The following TM4SF5 variants were observed in gnomAD, a reference collection of about 807,000 sequenced individuals.
TM4SF5 encodes transmembrane 4 L6 family member 5.
In TM4SF5, 16 loss-of-function variants were observed where a neutral mutation model predicts 22.3. That is an observed-to-expected ratio of 0.72 (90% CI 0.49 to 1.09). The LOEUF is 1.09. Ranked by LOEUF, TM4SF5 falls within the 50% of genes least tolerant of loss-of-function variation. The pLI, the probability that TM4SF5 is intolerant of heterozygous loss-of-function variation, is 0.00. For missense variants in TM4SF5, 249 were observed against 266.1 expected (o/e 0.94, Z 0.45); for synonymous variants, 113 against 109.6 (o/e 1.03, Z -0.19).
chr17:4,773,048 T>C (rs981409018), intron 1 of TM4SF5, among the ~76,000 whole-genome samples: 7 of 151,648 alleles, frequency 4.6e-5, no homozygotes, highest in African/African-American at 1.7e-4. Context: ...GGGATTACGG[T>C]CACGTGCCAC....
chr17:4,777,779 G>A (rs1235937667), intron 1 of TM4SF5, among the ~76,000 whole-genome samples: 1 of 151,942 alleles, frequency 6.6e-6, no homozygotes, highest in Non-Finnish European at 1.5e-5. Context: ...AGCTACTCGG[G>A]AGGCTGAGGC....
intron 1 of TM4SF5, among the ~76,000 whole-genome samples, chr17:4,773,443 CT>C: frequency 6.6e-6 from 1 of 152,170 alleles, no homozygotes; most frequent in African/African-American, 2.4e-5. Flanking sequence ...GATGGTCAAC[CT>C]CGTTTAATAT....
At chr17:4,772,309 C>T (rs1010840189) in intron 1 of TM4SF5, among the ~76,000 whole-genome samples, 1 of 152,176 alleles carries the variant, frequency 6.6e-6, no homozygotes, top group Admixed American at 6.6e-5. Context: ...GGACGAGAGC[C>T]TCACTGCTCT....
chr17:4,774,562 A>C (rs1917174610), intron 1 of TM4SF5, among the ~76,000 whole-genome samples: 1 of 152,140 alleles, frequency 6.6e-6, no homozygotes, highest in South Asian at 2.1e-4. Context: ...AATAAAAAAT[A>C]AAAAAGTCAT....
In TM4SF5 at chr17:4,775,135, G is replaced by C. The variant is rs190904717; in HGVS notation, c.177+3036G>C. Among the ~76,000 whole-genome samples, 806 of 152,202 alleles carry C rather than the reference G, an allele frequency of 5.3e-3. 25 individuals carry two copies. The highest frequency in any genetic ancestry group is 0.049 in the Admixed American group (750 of 15,276). ...ACTTCTGAGGATCAGACAGGTGGCC[G>C]GTGAGGTGAGATGTAATGAGATGAG... is the stretch of plus-strand genomic sequence containing the variant. On this transcript the variant is annotated intron_variant, in intron 1 of 4. Coordinates refer to ENST00000270560, the MANE Select transcript of TM4SF5 (RefSeq NM_003963.3).
chr17:4,778,760 T>C (rs567288442), intron 1 of TM4SF5, among the ~76,000 whole-genome samples: 118 of 152,016 alleles, frequency 7.8e-4, no homozygotes, highest in African/African-American at 2.7e-3. Context: ...AGTTAGGCGT[T>C]CAAGTTACAA....
chr17:4,777,505 T>A (rs1304707135), intron 1 of TM4SF5, among the ~76,000 whole-genome samples: 1 of 151,266 alleles, frequency 6.6e-6, no homozygotes, highest in East Asian at 1.9e-4. Flanking sequence ...CTTTGGGAGG[T>A]GGAGGCAGGA....
intron 1 of TM4SF5, among the ~76,000 whole-genome samples, chr17:4,772,560 AC>A: frequency 6.6e-6 from 1 of 151,738 alleles, no homozygotes; most frequent in Admixed American, 6.6e-5. Flanking sequence ...ATTCACTCTC[AC>A]CCCACATTTC....
chr17:4,772,885 T>C (rs184370977), intron 1 of TM4SF5, among the ~76,000 whole-genome samples: 66 of 151,852 alleles, frequency 4.3e-4, no homozygotes, highest in African/African-American at 1.5e-3. Flanking sequence ...CAGCTAACTT[T>C]TAAATATTTT....
At chr17:4,776,398 T>G (rs1917205864) in intron 1 of TM4SF5, among the ~76,000 whole-genome samples, 1 of 152,048 alleles carries the variant, frequency 6.6e-6, no homozygotes, top group African/African-American at 2.4e-5. Flanking sequence ...GACTCCCAGG[T>G]TCACATGATT....
rs1014642751 is a variant in TM4SF5 at position 4,772,214 on chromosome 17, T to G, written c.177+115T>G. On this transcript the variant is annotated intron_variant, in intron 1 of 4. Coordinates refer to ENST00000270560, the MANE Select transcript of TM4SF5 (RefSeq NM_003963.3). ...ATGGTTGCTTGGGAGAGGATGGCAA[T>G]GGCTTCGTGGGGGCTAGCAGCCCTC... 3 of 1,314,076 alleles carry G rather than the reference T, an allele frequency of 2.3e-6. No homozygotes were observed. In the African/African-American group the frequency reaches 4.3e-5, roughly 19 times the overall value. The allele number at this position is 1,314,076 out of a possible 1,614,324, so 81.4% of individuals were successfully genotyped here.
chr17:4,783,006 G>T lies in TM4SF5; in HGVS notation c.548G>T (p.Gly183Val). Reference sequence around the variant, plus strand: ...ATCCAGCTGGTGAACGCGACCATTGGTGTCTTCTGCGGCGATTGCAGGAAA... The same window carrying T: ...ATCCAGCTGGTGAACGCGACCATTGTTGTCTTCTGCGGCGATTGCAGGAAA... ...CGIQLVNATI[G>V]VFCGDCRKKQ... Residue 183 changes from glycine to valine, a missense_variant, in exon 4 of 5, where the codon GGT (glycine) becomes GTT (valine). Transcript: ENST00000270560. 1 of 1,614,202 alleles carries T rather than the reference G, an allele frequency of 6.2e-7. No individual in the cohort carries two copies. Among genetic ancestry groups the T allele is most frequent in the Non-Finnish European group, 8.5e-7 (1 of 1,180,016 alleles).
At chr17:4,778,403 C>T (rs978102594) in intron 1 of TM4SF5, among the ~76,000 whole-genome samples, 2 of 151,700 alleles carry the variant, frequency 1.3e-5, no homozygotes, top group African/African-American at 4.8e-5. Flanking sequence ...TTGCTTGAGC[C>T]CAGGAGTTCG....
rs1917122804 is a variant in TM4SF5, at chr17:4,772,166, G to C, written c.177+67G>C. ...GCCACCTAAGGGGTTCTGAACAGGA[G>C]GGAGAGGGAGAGAGGAATAAGAATG... is the stretch of plus-strand genomic sequence containing the variant. On this transcript the variant is annotated intron_variant, in intron 1 of 4. Coordinates refer to ENST00000270560, the MANE Select transcript of TM4SF5 (RefSeq NM_003963.3). 4 of 1,572,994 alleles carry C rather than the reference G, an allele frequency of 2.5e-6. No individual in the cohort carries two copies. The South Asian group carries it at 4.5e-5, about 18-fold the overall frequency.
In TM4SF5 at chr17:4,777,657, G is replaced by A. The variant is rs192507477; in HGVS notation, c.178-3132G>A. On this transcript the variant is annotated intron_variant, in intron 1 of 4. Transcript: ENST00000270560. ...CCCAGCACTTTGGGAGGCCGAAGCA[G>A]GCTGATCAGCTGAGGTCAGGAGTTT... is the stretch of plus-strand genomic sequence containing the variant. Among the ~76,000 whole-genome samples the A allele has an allele frequency of 5.9e-5, 9 of 152,166 alleles. No homozygotes were observed. The East Asian group carries it at 1.7e-3, about 30-fold the overall frequency.
chr17:4,780,817 G>C lies in TM4SF5; in HGVS notation c.206G>C (p.Arg69Pro). Residue 69 changes from arginine to proline, a missense_variant, in exon 2 of 5, where the codon CGG becomes CCG. Transcript: ENST00000270560. ...MVLCPGIAAV[R>P]AGGKGCCGAG... ...CTGTGTCCGGGGATTGCAGCCGTTC[G>C]GGCAGGGGGCAAGGGCTGCTGTGGT... is the stretch of plus-strand genomic sequence containing the variant. 1 of 1,610,400 alleles carries C rather than the reference G, an allele frequency of 6.2e-7. No homozygotes were observed. The highest frequency in any genetic ancestry group is 8.5e-7 in the Non-Finnish European group (1 of 1,178,312).
intron 1 of TM4SF5, among the ~76,000 whole-genome samples, chr17:4,779,515 TA>T (rs1323437179): frequency 6.6e-6 from 1 of 151,466 alleles, no homozygotes; most frequent in Non-Finnish European, 1.5e-5. Context: ...TATGAGAGTG[TA>T]ATAGGGAGGC....
At chr17:4,776,216 G>C (rs1163849296) in intron 1 of TM4SF5, among the ~76,000 whole-genome samples, 1 of 152,048 alleles carries the variant, frequency 6.6e-6, no homozygotes, top group African/African-American at 2.4e-5. Flanking sequence ...TGTAGCTGTA[G>C]TTTTCTTTTT....
chr17:4,774,669 A>T (rs1172877713), intron 1 of TM4SF5, among the ~76,000 whole-genome samples: 1 of 152,180 alleles, frequency 6.6e-6, no homozygotes, highest in Non-Finnish European at 1.5e-5. Flanking sequence ...GCACTTTGGG[A>T]GGCTGAGGCA....
Sources: allele counts gnomAD v4.1 joint callset (sites outside exome capture counted in the v4.1 genomes callset), GRCh38; gene constraint gnomAD v4.1.1; transcripts MANE v1.5; gene names NCBI Gene and HGNC (gene_info 2026-07-23, HGNC 2026-07-21).